The following PCDHA2 variants were observed in gnomAD, a reference collection of about 807,000 sequenced individuals.
The protein encoded by PCDHA2 is protocadherin alpha-2.
Under a neutral mutation model 66.0 loss-of-function variants are expected in PCDHA2, and 58 were observed. That is an observed-to-expected ratio of 0.88 (90% CI 0.71 to 1.09). The LOEUF is 1.09. PCDHA2 is among the 50% of genes least tolerant of loss of function. The pLI is 0.00. For missense variants in PCDHA2, 1,267 were observed against 1,242.3 expected (o/e 1.02, Z -0.30); for synonymous variants, 634 against 554.0 (o/e 1.14, Z -2.03).
rs2150462323 is a variant in PCDHA2 at position 140,849,996 on chromosome 5, G to C, written c.2388+52644G>C. On this transcript the variant is annotated intron_variant, in intron 1 of 3. Transcript: ENST00000526136. ...CTCGCTGGTGGAGCGGCGGTTGGGCGAGCGCTCGCTGTCGAGCTACGTGTC... is the reference window on the plus strand; with the variant it reads ...CTCGCTGGTGGAGCGGCGGTTGGGCCAGCGCTCGCTGTCGAGCTACGTGTC... The C allele has an allele frequency of 0.011, 17,121 of 1,597,124 alleles. 2,348 individuals are homozygous for C. In the African/African-American group the frequency reaches 0.2, roughly 18 times the overall value.
intron 1 of PCDHA2, chr5:140,828,176 G>A (rs2150151842): frequency 3.1e-6 from 5 of 1,614,128 alleles, no homozygotes; most frequent in Non-Finnish European, 3.4e-6. Flanking sequence ...GGTGGGGAGC[G>A]GCCAGCTCCA....
intron 1 of PCDHA2, chr5:140,815,219 T>C (rs1019234983): frequency 5.9e-5 from 9 of 152,144 alleles, no homozygotes; most frequent in Admixed American, 4.6e-4. Flanking sequence ...AACTTACTGT[T>C]GCCTCTTTGT....
intron 1 of PCDHA2, among the ~76,000 whole-genome samples, chr5:140,907,880 A>G (rs2073662183): frequency 6.6e-6 from 1 of 152,236 alleles, no homozygotes; most frequent in Non-Finnish European, 1.5e-5. Flanking sequence ...GAGCACTCAC[A>G]TGGGATACAA....
At chr5:140,941,901 GA>G (rs782298792) in intron 1 of PCDHA2, among the ~76,000 whole-genome samples, 1 of 152,130 alleles carries the variant, frequency 6.6e-6, no homozygotes, top group African/African-American at 2.4e-5. Context: ...AAGTAACATT[GA>G]AATGCTTTTA....
At position 140,871,935 on chromosome 5, in the gene PCDHA2, T is replaced by C. The variant is rs373740331; in HGVS notation, c.2388+74583T>C. The stretch of plus-strand genomic sequence containing the variant: ...GATATTTCCACATTGTTAGATCAAC[T>C]GGCTTTGTTTTTCTAAAGGGAGGAG... On this transcript the variant is annotated intron_variant, in intron 1 of 3. Coordinates refer to ENST00000526136, the MANE Select transcript of PCDHA2 (RefSeq NM_018905.3). Among the ~76,000 whole-genome samples, 4 of 152,380 alleles carry C rather than the reference T, an allele frequency of 2.6e-5. No individual in the cohort carries two copies. The East Asian group carries it at 7.7e-4, about 29-fold the overall frequency.
At chr5:140,846,754 A>G (rs1430636894) in intron 1 of PCDHA2, among the ~76,000 whole-genome samples, 1 of 149,442 alleles carries the variant, frequency 6.7e-6, no homozygotes, top group Non-Finnish European at 1.5e-5. Context: ...ACAGATCTCT[A>G]ACAGCATATC....
chr5:140,944,058 G>A (rs185843356), intron 1 of PCDHA2, among the ~76,000 whole-genome samples: 116 of 152,248 alleles, frequency 7.6e-4, no homozygotes, highest in African/African-American at 2.7e-3. Flanking sequence ...ATACAAAAAG[G>A]TTTCTTGTTA....
rs545282445 is a variant in PCDHA2 at position 140,862,074 on chromosome 5, A to G, written c.2388+64722A>G. On this transcript the variant is annotated intron_variant, in intron 1 of 3. Transcript: ENST00000526136. The stretch of plus-strand genomic sequence containing the variant: ...TTTCTTTGCAACTGATGTCTCCCCT[A>G]ACATAGAAGCCCTTTTTCGCATAGA... 8.3e-5 allele frequency: 13 copies of G among 157,080 alleles called. No homozygotes were observed. The South Asian group carries it at 2.1e-3, about 26-fold the overall frequency. 9.7% of individuals were successfully genotyped at this position (157,080 alleles called of 1,614,324 possible).
intron 1 of PCDHA2, among the ~76,000 whole-genome samples, chr5:140,942,493 C>T (rs1334279065): frequency 1.3e-5 from 2 of 151,366 alleles, no homozygotes; most frequent in Non-Finnish European, 2.9e-5. Context: ...GAAATAAATA[C>T]ATGGTATCTA....
intron 1 of PCDHA2, among the ~76,000 whole-genome samples, chr5:140,910,128 T>C (rs2074896985): frequency 6.6e-6 from 1 of 152,238 alleles, no homozygotes; most frequent in African/African-American, 2.4e-5. Flanking sequence ...GTCTGTAAAC[T>C]GGTTTAAGTC....
intron 1 of PCDHA2, among the ~76,000 whole-genome samples, chr5:140,941,011 C>T (rs1554213684): frequency 6.6e-6 from 1 of 152,124 alleles, no homozygotes; most frequent in African/African-American, 2.4e-5. Context: ...TTTTCCTTTC[C>T]TATTTTCCTT....
At position 140,851,264 on chromosome 5, in the gene PCDHA2, A is replaced by G. The variant is rs1170850164; in HGVS notation, c.2388+53912A>G. The G allele has an allele frequency of 2.1e-5, 23 of 1,075,328 alleles. 1 individual carries two copies. The highest frequency in any genetic ancestry group is 4.3e-5 in the East Asian group (1 of 23,212). 66.6% of individuals were successfully genotyped at this position (1,075,328 alleles called of 1,614,324 possible). ...TAAATGATGCATAGTATTTTAGTCT[A>G]CTTGTATTGTTTATAAGAAACCCAA... On this transcript the variant is annotated intron_variant, in intron 1 of 3. Coordinates refer to ENST00000526136, the MANE Select transcript of PCDHA2 (RefSeq NM_018905.3).
chr5:140,819,603 G>T (rs779566497), intron 1 of PCDHA2, among the ~76,000 whole-genome samples: 1 of 152,060 alleles, frequency 6.6e-6, no homozygotes, highest in Non-Finnish European at 1.5e-5. Flanking sequence ...TTCCTGTGGA[G>T]TCTCCCATGA....
chr5:140,826,579 A>C (rs1440261492), intron 1 of PCDHA2, among the ~76,000 whole-genome samples: 2 of 152,178 alleles, frequency 1.3e-5, no homozygotes, highest in African/African-American at 4.8e-5. Context: ...TAATCACTTC[A>C]AATGGATAAC....
At chr5:140,929,404 G>T (rs530409256) in intron 1 of PCDHA2, 1 of 1,506,596 alleles carries the variant, frequency 6.6e-7, no homozygotes, top group South Asian at 1.4e-5. Flanking sequence ...TCTTAGACAA[G>T]CCTTTCACAA....
At chr5:140,869,940 C>T in intron 1 of PCDHA2, 1 of 1,612,138 alleles carries the variant, frequency 6.2e-7, no homozygotes, top group African/African-American at 1.3e-5. Flanking sequence ...AGGTAACATA[C>T]TCCTTAATGT....
chr5:140,829,728 G>A (rs1388921761), intron 1 of PCDHA2: 2 of 1,613,492 alleles, frequency 1.2e-6, no homozygotes, highest in Non-Finnish European at 1.7e-6. Flanking sequence ...CCGCCTCTGG[G>A]CAGCAACGTG....
intron 1 of PCDHA2, among the ~76,000 whole-genome samples, chr5:140,898,137 G>C (rs1554187832): frequency 6.6e-6 from 1 of 152,098 alleles, no homozygotes; most frequent in African/African-American, 2.4e-5. Flanking sequence ...CATTTTGTAG[G>C]TTGCCTGTTC....
At chr5:140,884,066 G>C in intron 1 of PCDHA2, 3 of 1,613,514 alleles carry the variant, frequency 1.9e-6, no homozygotes, top group Non-Finnish European at 2.5e-6. Flanking sequence ...GGTGGACGCC[G>C]ATTCGGGCTA....
Sources: allele counts gnomAD v4.1 joint callset (sites outside exome capture counted in the v4.1 genomes callset), GRCh38; gene constraint gnomAD v4.1.1; transcripts MANE v1.5; gene names NCBI Gene and HGNC (gene_info 2026-07-23, HGNC 2026-07-21).